DLC1: variants seen among roughly 807,000 people sequenced by gnomAD.
The protein encoded by DLC1 is DLC1 Rho GTPase activating protein.
In DLC1, 54 loss-of-function variants were observed where a neutral mutation model predicts 140.3. The observed-to-expected ratio is 0.38, with a 90% CI of 0.31 to 0.48. The LOEUF (loss-of-function observed/expected upper bound fraction) is 0.48, where lower values mean the gene tolerates loss of function less well. Ranked by LOEUF, DLC1 falls within the 20% of genes least tolerant of loss-of-function variation. DLC1 has a pLI of 0.96. For missense variants in DLC1, 2,536 were observed against 1,907.0 expected (o/e 1.33, Z -6.14); for synonymous variants, 986 against 728.1 (o/e 1.35, Z -5.70).
At chr8:13,154,086 C>G (rs1248802919) in intron 5 of DLC1, among the ~76,000 whole-genome samples, 1 of 152,220 alleles carries the variant, frequency 6.6e-6, no homozygotes, top group African/African-American at 2.4e-5. Flanking sequence ...CTGAGCTAGA[C>G]TCAGGGTGGT....
intron 5 of DLC1, among the ~76,000 whole-genome samples, chr8:13,138,767 A>G (rs1037050212): frequency 3.4e-4 from 51 of 152,208 alleles, no homozygotes; most frequent in African/African-American, 1.1e-3. Context: ...TCTCTACCCT[A>G]CCTGGTATTT....
intron 1 of DLC1, among the ~76,000 whole-genome samples, chr8:13,604,127 T>C (rs1224337651): frequency 6.6e-6 from 1 of 151,988 alleles, no homozygotes; most frequent in African/African-American, 2.4e-5. Flanking sequence ...ATAGTAGAGG[T>C]AGAAACAAAA....
intron 1 of DLC1, among the ~76,000 whole-genome samples, chr8:13,564,545 A>G (rs1464607752): frequency 6.6e-6 from 1 of 152,172 alleles, no homozygotes; most frequent in African/African-American, 2.4e-5. Context: ...GCACACCACC[A>G]GGAAGAGGTA....
chr8:13,137,646 G>T (rs1273284216), intron 5 of DLC1, among the ~76,000 whole-genome samples: 4 of 145,646 alleles, frequency 2.7e-5, no homozygotes, highest in Non-Finnish European at 4.5e-5. Context: ...TTGTCACCCA[G>T]ACTGGAGTGC....
At chr8:13,299,965 A>G (rs1189364387) in intron 5 of DLC1, among the ~76,000 whole-genome samples, 1 of 152,222 alleles carries the variant, frequency 6.6e-6, no homozygotes. Flanking sequence ...TCATTCTATT[A>G]TAAAGATACA....
intron 5 of DLC1, among the ~76,000 whole-genome samples, chr8:13,120,161 G>A (rs1056531709): frequency 6.6e-6 from 1 of 150,620 alleles, no homozygotes; most frequent in Non-Finnish European, 1.5e-5. Flanking sequence ...TGGCCAACAC[G>A]GTGAAACCCC....
intron 5 of DLC1, among the ~76,000 whole-genome samples, chr8:13,303,399 G>A (rs1832284116): frequency 6.6e-6 from 1 of 151,894 alleles, no homozygotes; most frequent in Non-Finnish European, 1.5e-5. Context: ...ATGTAAGGAG[G>A]GACAGTTGAT....
chr8:13,422,194 A>G (rs1036927614), intron 2 of DLC1, among the ~76,000 whole-genome samples: 3 of 152,144 alleles, frequency 2.0e-5, no homozygotes, highest in Admixed American at 6.6e-5. Flanking sequence ...TAGCATATAT[A>G]TTTAATGAGG....
At chr8:13,094,139 G>C (rs1374151558) in intron 12 of DLC1, among the ~76,000 whole-genome samples, 1 of 152,128 alleles carries the variant, frequency 6.6e-6, no homozygotes, top group Non-Finnish European at 1.5e-5. Context: ...AGAGATCTTC[G>C]TACCTGATCT....
chr8:13,573,535 C>G (rs565230277), intron 1 of DLC1, among the ~76,000 whole-genome samples: 117 of 152,212 alleles, frequency 7.7e-4, no homozygotes, highest in Non-Finnish European at 1.4e-3. Flanking sequence ...TGTTCCTGAT[C>G]TTAGGGAAGA....
intron 2 of DLC1, among the ~76,000 whole-genome samples, chr8:13,414,316 T>A (rs1256078782): frequency 6.6e-6 from 1 of 152,214 alleles, no homozygotes; most frequent in Admixed American, 6.5e-5. Flanking sequence ...ATACCTAAGA[T>A]AATCTCCATC....
intron 1 of DLC1, among the ~76,000 whole-genome samples, chr8:13,562,556 A>G (rs1475477875): frequency 6.6e-6 from 1 of 152,216 alleles, no homozygotes; most frequent in African/African-American, 2.4e-5. Flanking sequence ...AAGAATCCAT[A>G]CATTTGAGAA....
chr8:13,481,302 C>T (rs1800724617), intron 2 of DLC1, among the ~76,000 whole-genome samples: 1 of 152,034 alleles, frequency 6.6e-6, no homozygotes, highest in African/African-American at 2.4e-5. Context: ...TGGTGCATGC[C>T]TGTAGTTTTA....
chr8:13,211,057 G>T (rs1827916222), intron 5 of DLC1, among the ~76,000 whole-genome samples: 1 of 152,116 alleles, frequency 6.6e-6, no homozygotes. Context: ...ACAGGATGTG[G>T]CAAAGAAACT....
intron 1 of DLC1, among the ~76,000 whole-genome samples, chr8:13,586,638 A>C (rs1454474877): frequency 7.0e-6 from 1 of 143,098 alleles, no homozygotes; most frequent in East Asian, 2.1e-4. Context: ...TGCATGTAAA[A>C]TGAAACATGT....
rs1818935506 is a variant in DLC1 at position 13,100,276 on chromosome 8, G to C, written c.2061C>G (p.Pro687=). 2 of 1,614,100 alleles carry C rather than the reference G, an allele frequency of 1.2e-6. No homozygotes were observed. The highest frequency in any genetic ancestry group is 1.7e-6 in the Non-Finnish European group (2 of 1,180,040). The change falls in exon 9 of 18, where the codon CCC becomes CCG. Residue 687 remains proline (P), a synonymous_variant. Coordinates refer to ENST00000276297, the MANE Select transcript of DLC1 (RefSeq NM_182643.3). The part of the protein sequence containing the change: ...KSSHHSKHKA[P]SKLGLIISGP... ...CGCTGATGATCAACCCCAGCTTTGA[G>C]GGCGCTTTGTGCTTGCTGTGATGGG... is the stretch of plus-strand genomic sequence containing the variant.
chr8:13,596,555 C>G (rs992053922), intron 1 of DLC1, among the ~76,000 whole-genome samples: 1 of 151,868 alleles, frequency 6.6e-6, no homozygotes, highest in Non-Finnish European at 1.5e-5. Context: ...AGCAGAGTAA[C>G]AATACTAGTT....
intron 1 of DLC1, among the ~76,000 whole-genome samples, chr8:13,511,290 GTTCATATGCATGCTGTTTACATTATCT>G (rs1802351920): frequency 6.6e-6 from 1 of 151,054 alleles, no homozygotes; most frequent in South Asian, 2.1e-4. Flanking sequence ...TAATGAGCAA[GTTCATATGCATGCTGTTTACATTATCT>G]TTCACCTTTT....
At chr8:13,265,157 TA>T (rs1229952303) in intron 5 of DLC1, among the ~76,000 whole-genome samples, 1 of 152,206 alleles carries the variant, frequency 6.6e-6, no homozygotes, top group Non-Finnish European at 1.5e-5. Context: ...TTTAAAAACA[TA>T]GACTTTATTT....
Sources: allele counts gnomAD v4.1 joint callset (sites outside exome capture counted in the v4.1 genomes callset), GRCh38; gene constraint gnomAD v4.1.1; transcripts MANE v1.5; gene names NCBI Gene and HGNC (gene_info 2026-07-23, HGNC 2026-07-21).